APC: variants seen among roughly 807,000 people sequenced by gnomAD.
APC encodes the protein APC regulator of Wnt signaling pathway.
Under a neutral mutation model 247.0 loss-of-function variants are expected in APC, and 72 were observed. That is an observed-to-expected ratio of 0.29 (90% confidence interval 0.24 to 0.35). APC has a LOEUF of 0.35. APC is among the 10% of genes least tolerant of loss of function. The pLI, the probability that APC is intolerant of heterozygous loss-of-function variation, is 1.00. For missense variants in APC, 3,400 were observed against 3,360.7 expected (o/e 1.01, Z -0.29); for synonymous variants, 1,254 against 1,162.5 (o/e 1.08, Z -1.60).
upstream of APC, among the ~76,000 whole-genome samples, chr5:112,737,420 A>C (rs972729725): frequency 1.3e-5 from 2 of 152,244 alleles, no homozygotes; most frequent in South Asian, 2.1e-4. Context: ...TCTATCTAAC[A>C]AGTCATCACT....
At chr5:112,752,143 G>T (rs1163187645) in intron 1 of APC, among the ~76,000 whole-genome samples, 1 of 151,962 alleles carries the variant, frequency 6.6e-6, no homozygotes, top group Non-Finnish European at 1.5e-5. Flanking sequence ...ATAGAGTTGA[G>T]CAGAGTCATC....
intron 8 of APC, among the ~76,000 whole-genome samples, chr5:112,812,045 G>GCTGT (rs1762039619): frequency 6.6e-6 from 1 of 152,194 alleles, no homozygotes; most frequent in Non-Finnish European, 1.5e-5. Context: ...GCAGTTCACA[G>GCTGT]CATAGTAACG....
intron 5 of APC, among the ~76,000 whole-genome samples, chr5:112,780,409 A>C (rs976778724): frequency 6.6e-6 from 1 of 152,152 alleles, no homozygotes; most frequent in Non-Finnish European, 1.5e-5. Flanking sequence ...TGATATTTCT[A>C]TGTTGTCCAC....
At chr5:112,771,695 G>A (rs1167448110) in intron 4 of APC, among the ~76,000 whole-genome samples, 1 of 152,114 alleles carries the variant, frequency 6.6e-6, no homozygotes, top group Non-Finnish European at 1.5e-5. Context: ...TCATCATGCT[G>A]AATATTTACT....
chr5:112,819,561 G>A (rs1561542889), intron 10 of APC, among the ~76,000 whole-genome samples: 1 of 152,180 alleles, frequency 6.6e-6, no homozygotes, highest in Non-Finnish European at 1.5e-5. Flanking sequence ...AGAACAGTAA[G>A]TCAAGAGAAA....
At chr5:112,741,199 T>A (rs1752975406) in intron 1 of APC, among the ~76,000 whole-genome samples, 1 of 152,296 alleles carries the variant, frequency 6.6e-6, no homozygotes, top group East Asian at 1.9e-4. Context: ...TAGAATTATG[T>A]GAAATTTCAT....
Position 112,840,695 on chromosome 5 carries a change from C to G in APC, c.5101C>G (p.Gln1701Glu), listed in dbSNP as rs1561597691. ...AGAAGGCAGAAGTACAGATGAGGCT[C>G]AAGGAGGAAAAACCTCATCTGTAAC... The part of the protein sequence containing the change: ...PTEGRSTDEA[Q>E]GGKTSSVTIP... Residue 1701 changes from glutamine (Q) to glutamate (E), a missense_variant, in exon 16 of 16, where the codon CAA (glutamine) becomes GAA (glutamate). Transcript: ENST00000257430. This position sits in a 1 kb window ranked among gnomAD's most constrained non-coding sequence, Gnocchi z 4.1. 1.2e-6 allele frequency: 2 copies of G among 1,613,964 alleles called. No individual in the cohort carries two copies. The highest frequency in any genetic ancestry group is 2.2e-5 in the South Asian group (2 of 91,076).
At chr5:112,744,606 C>G (rs1000344219) in intron 1 of APC, among the ~76,000 whole-genome samples, 4 of 152,092 alleles carry the variant, frequency 2.6e-5, no homozygotes, top group South Asian at 4.1e-4. Flanking sequence ...GTGTAAGAAA[C>G]TGAGCTGGGC....
chr5:112,805,516 T>C (rs1437678331), intron 8 of APC, among the ~76,000 whole-genome samples: 3 of 152,246 alleles, frequency 2.0e-5, no homozygotes, highest in Non-Finnish European at 4.4e-5. Flanking sequence ...ATGACACTAA[T>C]GCTGCTAATA....
In APC at chr5:112,707,961, C is replaced by A. The variant is rs1167782463; in HGVS notation, c.165+79C>A. 7 of 1,266,852 alleles carry A rather than the reference C, an allele frequency of 5.5e-6. No homozygotes were observed. In the African/African-American group the frequency reaches 1.1e-4, roughly 19 times the overall value. The allele number at this position is 1,266,852 out of a possible 1,614,324, so 78.5% of individuals were successfully genotyped here. On this transcript the variant is annotated intron_variant, in intron 1 of 13. Transcript: ENST00000507379. ...TGCCCCGCCGCTGCTCGGGACCCTA[C>A]GGTGCTCGGCCCGACTCTGTGGCTC...
intron 1 of APC, among the ~76,000 whole-genome samples, chr5:112,720,120 A>G (rs979935074): frequency 2.6e-5 from 4 of 152,196 alleles, no homozygotes; most frequent in African/African-American, 9.6e-5. Context: ...GAGGAGTGTT[A>G]AAAATTTAGT....
At chr5:112,793,514 C>T (rs560598264) in intron 7 of APC, among the ~76,000 whole-genome samples, 4 of 151,854 alleles carry the variant, frequency 2.6e-5, no homozygotes, top group Non-Finnish European at 4.4e-5. Context: ...AAAATTCACC[C>T]AACAAAACAA....
chr5:112,826,210 C>G (rs1412158416), intron 11 of APC, among the ~76,000 whole-genome samples: 1 of 152,080 alleles, frequency 6.6e-6, no homozygotes, highest in East Asian at 1.9e-4. Flanking sequence ...TTGTAGTATC[C>G]AAGAATTGCC....
chr5:112,724,647 A>G (rs1482677925), intron 1 of APC, among the ~76,000 whole-genome samples: 1 of 152,142 alleles, frequency 6.6e-6, no homozygotes, highest in Non-Finnish European at 1.5e-5. Context: ...AGGAGGACTT[A>G]GGGAAGGCTT....
intron 6 of APC, among the ~76,000 whole-genome samples, chr5:112,787,741 C>G (rs1435760408): frequency 6.6e-6 from 1 of 152,128 alleles, no homozygotes; most frequent in Non-Finnish European, 1.5e-5. Flanking sequence ...AATCTGTTAT[C>G]TGTATTAGCC....
Position 112,842,489 on chromosome 5 carries a change from CCTT to C in APC, c.6898_6900del (p.Ser2300del), listed in dbSNP as rs1554087834. ...CCAAATAGGTGGGTCAAGTAAAGCA[CCTT>C]CTAGATCAGGATCTAGAGATTCGAC... On this transcript the variant is annotated inframe_deletion, in exon 16 of 16. Transcript: ENST00000257430. 1.2e-6 allele frequency: 2 copies of C among 1,613,998 alleles called. No homozygotes were observed. The highest frequency in any genetic ancestry group is 1.7e-6 in the Non-Finnish European group (2 of 1,179,926).
intron 12 of APC, 43 bp downstream of exon 12, chr5:112,827,290 G>C (rs2149810918): frequency 6.2e-7 from 1 of 1,605,454 alleles, no homozygotes; most frequent in Non-Finnish European, 8.5e-7. Flanking sequence ...GCTCAGGTAT[G>C]AGTTAATTTA....
intron 14 of APC, among the ~76,000 whole-genome samples, chr5:112,831,668 A>G (rs1251939357): frequency 3.3e-5 from 5 of 152,124 alleles, no homozygotes; most frequent in African/African-American, 9.7e-5. Flanking sequence ...CTTACTCTAG[A>G]GCTTTCCTTT....
At chr5:112,794,206 C>T (rs1759954319) in intron 7 of APC, among the ~76,000 whole-genome samples, 1 of 152,032 alleles carries the variant, frequency 6.6e-6, no homozygotes, top group Non-Finnish European at 1.5e-5. Context: ...GATCTTCCCA[C>T]CTCAGCCCCC....
Sources: gnomAD v4.1 joint callset for allele counts (sites outside exome capture counted in the v4.1 genomes callset) on GRCh38, gnomAD v4.1.1 for gene constraint, Gnocchi (gnomAD v3.1) non-coding constraint, MANE v1.5 for transcripts, NCBI Gene and HGNC (gene_info 2026-07-23, HGNC 2026-07-21) for gene names.